Variants in NCKAP5 observed in about 807,000 individuals in gnomAD.
NCKAP5 encodes the protein nck-associated protein 5.
NCKAP5 carries 92 observed loss-of-function variants against 167.0 expected under a neutral mutation model. The observed-to-expected ratio is 0.55, with a 90% CI of 0.47 to 0.66. NCKAP5 has a LOEUF of 0.66. NCKAP5 is among the 30% of genes least tolerant of loss of function. The probability of loss-of-function intolerance (pLI) is 0.00; values close to 1 mark genes in which losing one functional copy is unlikely to be tolerated. For missense variants in NCKAP5, 2,378 were observed against 2,315.0 expected (o/e 1.03, Z -0.56); for synonymous variants, 891 against 877.4 (o/e 1.02, Z -0.27).
chr2:132,810,070 T>G (rs1425184724), intron 11 of NCKAP5, among the ~76,000 whole-genome samples: 1 of 152,240 alleles, frequency 6.6e-6, no homozygotes, highest in Admixed American at 6.5e-5. Context: ...TACAAAATTC[T>G]TGGCTGATAA....
chr2:133,344,423 A>G (rs1246294753), intron 3 of NCKAP5, among the ~76,000 whole-genome samples: 17 of 149,020 alleles, frequency 1.1e-4, no homozygotes, highest in Admixed American at 2.0e-4. Context: ...AAAAAAAAAA[A>G]GGGTAATAAA....
intron 4 of NCKAP5, among the ~76,000 whole-genome samples, chr2:133,242,605 T>C (rs901774840): frequency 6.6e-6 from 1 of 152,224 alleles, no homozygotes; most frequent in East Asian, 1.9e-4. Flanking sequence ...AACTGTGGTA[T>C]AGCCCTGGAA....
At chr2:133,351,710 T>A (rs1684376584) in intron 3 of NCKAP5, among the ~76,000 whole-genome samples, 2 of 152,060 alleles carry the variant, frequency 1.3e-5, no homozygotes, top group African/African-American at 2.4e-5. Context: ...TGTGCTATCC[T>A]CCTTGCAGCA....
chr2:132,689,486 G>T (rs2105118957), intron 19 of NCKAP5, among the ~76,000 whole-genome samples: 1 of 152,308 alleles, frequency 6.6e-6, no homozygotes, highest in East Asian at 1.9e-4. Context: ...TAAGAAAAGA[G>T]CAGAGATCCT....
intron 3 of NCKAP5, among the ~76,000 whole-genome samples, chr2:133,370,776 T>A (rs1237923821): frequency 3.3e-5 from 5 of 152,108 alleles, no homozygotes; most frequent in Non-Finnish European, 5.9e-5. Context: ...AGGATTTTTT[T>A]TCTTTTTTTC....
chr2:133,073,982 T>G (rs1426875747), intron 6 of NCKAP5, among the ~76,000 whole-genome samples: 1 of 152,192 alleles, frequency 6.6e-6, no homozygotes, highest in African/African-American at 2.4e-5. Context: ...CAATGAGAGC[T>G]CATGAGCTTC....
intron 5 of NCKAP5, among the ~76,000 whole-genome samples, chr2:133,205,092 C>A (rs1363051394): frequency 1.3e-5 from 2 of 151,914 alleles, no homozygotes; most frequent in Non-Finnish European, 2.9e-5. Context: ...AGTTCTAGAC[C>A]AGCCTGGGCA....
intron 9 of NCKAP5, among the ~76,000 whole-genome samples, chr2:132,872,402 C>T (rs550071146): frequency 6.6e-6 from 1 of 152,322 alleles, no homozygotes; most frequent in African/African-American, 2.4e-5. Flanking sequence ...TTCCAGGGCT[C>T]GTGATTCCTC....
At chr2:133,158,396 T>C (rs1269532973) in intron 5 of NCKAP5, among the ~76,000 whole-genome samples, 3 of 152,218 alleles carry the variant, frequency 2.0e-5, no homozygotes, top group Admixed American at 2.0e-4. Flanking sequence ...TGAATAGCAA[T>C]ACACACTTCA....
chr2:133,673,935 A>G, the NCKAP5 span, among the ~76,000 whole-genome samples: 2 of 152,222 alleles, frequency 1.3e-5, no homozygotes, highest in Admixed American at 6.5e-5. Flanking sequence ...TCATTGATCA[A>G]TTGATGGTTA....
intron 2 of NCKAP5, among the ~76,000 whole-genome samples, chr2:133,539,091 C>A (rs910816846): frequency 1.3e-5 from 2 of 151,864 alleles, no homozygotes; most frequent in African/African-American, 4.8e-5. Flanking sequence ...CAGGCGCCAG[C>A]CACCACGCCC....
the NCKAP5 span, among the ~76,000 whole-genome samples, chr2:133,589,864 T>C: frequency 6.6e-6 from 1 of 152,234 alleles, no homozygotes; most frequent in Non-Finnish European, 1.5e-5. Context: ...CTTGCTAATG[T>C]ACATGAAACA....
intron 7 of NCKAP5, among the ~76,000 whole-genome samples, chr2:132,980,100 C>T (rs1191169804): frequency 2.6e-5 from 4 of 151,788 alleles, no homozygotes; most frequent in South Asian, 4.2e-4. Context: ...GGTGATACTC[C>T]CACCTCAGCC....
intron 16 of NCKAP5, among the ~76,000 whole-genome samples, chr2:132,759,065 G>C (rs956348664): frequency 6.6e-6 from 1 of 150,814 alleles, no homozygotes; most frequent in Admixed American, 6.6e-5. Context: ...ATATTGTTTA[G>C]TTTTGCTCAC....
intron 3 of NCKAP5, 77 bp from the exon 4 acceptor site, chr2:133,303,187 C>T: frequency 1.0e-6 from 1 of 987,710 alleles, no homozygotes; most frequent in Non-Finnish European, 1.6e-6. Flanking sequence ...CTTATCTCTA[C>T]AAGGAGTATT....
intron 11 of NCKAP5, among the ~76,000 whole-genome samples, chr2:132,846,908 C>T (rs13426222): frequency 0.31 from 47,106 of 151,940 alleles, 7,450 homozygotes; most frequent in African/African-American, 0.39. Flanking sequence ...GTATACACTA[C>T]CCATTTTATT....
chr2:133,388,629 C>G (rs908311622), intron 3 of NCKAP5, among the ~76,000 whole-genome samples: 1 of 152,236 alleles, frequency 6.6e-6, no homozygotes, highest in African/African-American at 2.4e-5. Context: ...GCCCTGCCCC[C>G]ACAGGTGGAG....
the NCKAP5 span, among the ~76,000 whole-genome samples, chr2:133,595,558 A>G: frequency 6.6e-6 from 1 of 151,448 alleles, no homozygotes; most frequent in Non-Finnish European, 1.5e-5. Flanking sequence ...CAGAAGAGAC[A>G]GGCAGGGGTC....
intron 7 of NCKAP5, among the ~76,000 whole-genome samples, chr2:132,986,936 A>G (rs1190800402): frequency 2.0e-5 from 3 of 152,180 alleles, no homozygotes; most frequent in Non-Finnish European, 4.4e-5. Flanking sequence ...ATTCCTTATC[A>G]ATGAGGAACA....
Sources: gnomAD v4.1 joint callset for allele counts (sites outside exome capture counted in the v4.1 genomes callset) on GRCh38, gnomAD v4.1.1 for gene constraint, MANE v1.5 for transcripts, NCBI Gene and HGNC (gene_info 2026-07-23, HGNC 2026-07-21) for gene names.